ZNF287: variants seen among roughly 807,000 people sequenced by gnomAD.
ZNF287 encodes zinc finger protein 287, also known as zinc finger protein with KRAB and SCAN domains 13.
A neutral mutation model predicts 73.7 loss-of-function variants in ZNF287; 31 were observed. The ratio of observed to expected loss-of-function variants is 0.42; its 90% CI spans 0.32 to 0.57. The LOEUF (loss-of-function observed/expected upper bound fraction) is 0.57, where lower values mean the gene tolerates loss of function less well. ZNF287 is among the 20% of genes least tolerant of loss of function. ZNF287 has a pLI of 0.13. For synonymous variants in ZNF287, 301 were observed against 307.2 expected, an observed-to-expected ratio of 0.98 and a Z score of 0.21; for missense variants, 641 against 909.3, an observed-to-expected ratio of 0.70 and a Z score of 3.79.
Position 16,563,781 on chromosome 17 carries a change from C to T in ZNF287, c.546G>A (p.Glu182=). 6.2e-7 allele frequency: 1 copy of T among 1,613,840 alleles called. No individual in the cohort carries two copies. Among genetic ancestry groups the T allele is most frequent in the South Asian group, 1.1e-5 (1 of 91,040 alleles). Residue 182 remains glutamate, a synonymous_variant, in exon 4 of 6, where the codon GAG becomes GAA. Transcript: ENST00000395825. The part of the protein sequence containing the change: ...FKDVAVDITQ[E]DWELMRPVQK... ...GCACAGGACGCATTAACTCCCAGTC[C>T]TCCTGGGTGATGTCTACAGCCACAT...
At chr17:16,557,686 T>A (rs1430864034) in intron 5 of ZNF287, among the ~76,000 whole-genome samples, 2 of 152,150 alleles carry the variant, frequency 1.3e-5, no homozygotes, top group African/African-American at 4.8e-5. Context: ...TCAATCATGT[T>A]TGATGACCTT....
chr17:16,560,536 G>C (rs1907376337), intron 5 of ZNF287, among the ~76,000 whole-genome samples: 1 of 151,198 alleles, frequency 6.6e-6, no homozygotes, highest in Non-Finnish European at 1.5e-5. Flanking sequence ...TTTCAGTAGA[G>C]ACAGAGTTTC....
At chr17:16,564,906 A>G (rs891192531) in intron 3 of ZNF287, among the ~76,000 whole-genome samples, 2 of 151,848 alleles carry the variant, frequency 1.3e-5, no homozygotes, top group African/African-American at 4.8e-5. Context: ...TTTAGTAGAG[A>G]CAGGGTTTTG....
rs1031200971 is a variant in ZNF287, at chr17:16,549,003, G to C, written c.*2853C>G. ...TAAAAGACCATCCTTATTTTTGTAA[G>C]ATGCATGCTGAAGTATTTAGAGATG... On this transcript the variant is annotated 3_prime_UTR_variant, in exon 6 of 6. Coordinates refer to ENST00000395825, the MANE Select transcript of ZNF287 (RefSeq NM_020653.4). Among the ~76,000 whole-genome samples, 2 of 151,894 alleles carry C rather than the reference G, an allele frequency of 1.3e-5. No individual in the cohort carries two copies. Among genetic ancestry groups the C allele is most frequent in the African/African-American group, 4.8e-5 (2 of 41,344 alleles).
At chr17:16,562,482 T>C (rs749524535) in intron 5 of ZNF287, among the ~76,000 whole-genome samples, 5 of 152,232 alleles carry the variant, frequency 3.3e-5, no homozygotes, top group Non-Finnish European at 7.3e-5. Context: ...GTTCAAACTT[T>C]ATTACCTGAC....
chr17:16,551,879 T>C lies in ZNF287; in HGVS notation c.2263A>G (p.Thr755Ala), dbSNP rs1020342260. Residue 755 changes from threonine to alanine, a missense_variant, in exon 6 of 6, where the codon ACA becomes GCA. Physicochemically the swap from Thr to Ala is moderately conservative, Grantham distance 58 (BLOSUM62 0). Around this residue, in one of 2 missense-constraint regions of ZNF287, gnomAD observed 284 missense variants for 466.8 expected, o/e 0.61. Transcript: ENST00000395825. ...CATTAATTACGATGTTTGGCACCTG[T>C]ATGAACACGTTGATGCTGAATAAGG... ...TNLIQHQRVH[T>A]GAKHRN The C allele has an allele frequency of 2.5e-6, 4 of 1,599,184 alleles. No homozygotes were observed. The African/African-American group carries it at 5.4e-5, about 22-fold the overall frequency.
At chr17:16,557,514 G>T (rs1228054605) in intron 5 of ZNF287, among the ~76,000 whole-genome samples, 1 of 152,118 alleles carries the variant, frequency 6.6e-6, no homozygotes, top group Non-Finnish European at 1.5e-5. Context: ...ATTTCCTGAA[G>T]TGTGACTAAC....
At chr17:16,562,134 G>A (rs1038408617) in intron 5 of ZNF287, among the ~76,000 whole-genome samples, 5 of 152,046 alleles carry the variant, frequency 3.3e-5, no homozygotes, top group Non-Finnish European at 7.4e-5. Flanking sequence ...TGCCTGTGTA[G>A]GTTTAAAATC....
rs1220822909 is a variant in ZNF287, at chr17:16,567,341, G to T, written c.391C>A (p.Leu131Ile). Reference sequence around the variant, plus strand: ...CTATGATTCTCACCTTCCTCTTCTAGAATCTGAGTCAAATCCTCCACCAGA... The same window carrying T: ...CTATGATTCTCACCTTCCTCTTCTATAATCTGAGTCAAATCCTCCACCAGA... ...VTLVEDLTQILEEEAPQNSTL... is the reference protein window; with the variant it reads ...VTLVEDLTQIIEEEAPQNSTL... The change falls in exon 2 of 6, where the codon CTA (leucine) becomes ATA (isoleucine). Residue 131 changes from leucine to isoleucine, a missense_variant. Transcript: ENST00000395825. 1.9e-6 allele frequency: 3 copies of T among 1,612,510 alleles called. No individual in the cohort carries two copies. The African/African-American group carries it at 4.0e-5, about 22-fold the overall frequency.
rs1421452612 is a variant in ZNF287 at position 16,553,200 on chromosome 17, A to G, written c.942T>C (p.Tyr314=). The change falls in exon 6 of 6, where the codon TAT becomes TAC. Residue 314 remains tyrosine, a synonymous_variant. Transcript: ENST00000395825. The part of the protein sequence containing the change: ...YDPTEECLSK[Y]DIYRNNFEKH... ...TTTCAAAATTATTTCTATATATATC[A>G]TATTTACTAAGACATTCTTCTGTAG... The G allele has an allele frequency of 1.2e-6, 2 of 1,600,232 alleles. No individual in the cohort carries two copies. Among genetic ancestry groups the G allele is most frequent in the South Asian group, 1.1e-5 (1 of 90,670 alleles).
Position 16,548,352 on chromosome 17 carries a change from T to A in ZNF287, c.*3504A>T, listed in dbSNP as rs561876706. Among the ~76,000 whole-genome samples, 50 of 152,290 alleles carry A rather than the reference T, an allele frequency of 3.3e-4. No homozygotes were observed. Among genetic ancestry groups the A allele is most frequent in the South Asian group, 1.9e-3 (9 of 4,826 alleles). ...TATGAAATACATCTGTGAGGTGTTA[T>A]CATTAAAAATGTTTAAACAACCCAA... On this transcript the variant is annotated 3_prime_UTR_variant, in exon 6 of 6. Transcript: ENST00000395825.
chr17:16,563,393 TCAGAGACAGGATA>T, intron 4 of ZNF287, 161 bp from the exon 5 acceptor site: 1 of 607,424 alleles, frequency 1.6e-6, no homozygotes, highest in Non-Finnish European at 2.8e-6. Context: ...TGTTATCCTT[TCAGAGACAGGATA>T]ACAATTTCCT....
At chr17:16,555,601 A>AACACACAC (rs201011881) in intron 5 of ZNF287, among the ~76,000 whole-genome samples, 94 of 128,228 alleles carry the variant, frequency 7.3e-4, no homozygotes, top group Admixed American at 1.9e-3. Context: ...CACATAACCA[A>AACACACAC]ACACACACAC....
rs1463012625 is a variant in ZNF287, at chr17:16,549,902, C to T, written c.*1954G>A. ...TTGATATATGCACAAAAATATTTTT[C>T]GTTATACCAATTTTCACTCCATGCC... On this transcript the variant is annotated 3_prime_UTR_variant, in exon 6 of 6. Transcript: ENST00000395825. 2.6e-5 allele frequency among the ~76,000 whole-genome samples: 4 copies of T among 152,020 alleles called. No homozygotes were observed. The highest frequency in any genetic ancestry group is 6.5e-5 in the Admixed American group (1 of 15,270).
chr17:16,553,429 G>A lies in ZNF287; in HGVS notation c.716-3C>T. ...TGCTTGGGCTTTAGTTTCCCATTCT[G>A]AAATAAAAAATATATTAAAAAATCT... On this transcript the variant is annotated splice_polypyrimidine_tract_variant and splice_region_variant and intron_variant, in intron 5 of 5. Transcript: ENST00000395825. 6.8e-7 allele frequency: 1 copy of A among 1,466,268 alleles called. No individual in the cohort carries two copies. The highest frequency in any genetic ancestry group is 1.5e-5 in the South Asian group (1 of 64,974). The allele number at this position is 1,466,268 out of a possible 1,614,324, so 90.8% of individuals were successfully genotyped here.
intron 4 of ZNF287, among the ~76,000 whole-genome samples, 196 bp from the exon 5 acceptor site, chr17:16,563,428 G>A (rs1050921430): frequency 6.6e-6 from 1 of 152,192 alleles, no homozygotes; most frequent in African/African-American, 2.4e-5. Context: ...CCACTGAAGA[G>A]GATATGTGAA....
Position 16,552,510 on chromosome 17 carries a change from C to T in ZNF287, c.1632G>A (p.Val544=). The change falls in exon 6 of 6, where the codon GTG becomes GTA. Residue 544 remains valine (V), a synonymous_variant. Coordinates refer to ENST00000395825, the MANE Select transcript of ZNF287 (RefSeq NM_020653.4). This position sits in a 1 kb window ranked among gnomAD's most constrained non-coding sequence, Gnocchi z 6.5. ...GAATAAGGTAAGTACTCTGACTAAA[C>T]ACTTTCCAACATTCATTGCATTTAT... ...KPYKCNECWK[V]FSQSTYLIRH... is the part of the protein sequence containing the mutation. 1 of 1,614,112 alleles carries T rather than the reference C, an allele frequency of 6.2e-7. No individual in the cohort carries two copies. Among genetic ancestry groups the T allele is most frequent in the Non-Finnish European group, 8.5e-7 (1 of 1,180,002 alleles).
At chr17:16,562,442 T>G (rs907089047) in intron 5 of ZNF287, among the ~76,000 whole-genome samples, 1 of 152,206 alleles carries the variant, frequency 6.6e-6, no homozygotes, top group Non-Finnish European at 1.5e-5. Context: ...AACTGTTTAT[T>G]GCCACGCTTT....
Position 16,547,442 on chromosome 17 carries a change from G to C in ZNF287, c.*4414C>G, listed in dbSNP as rs1906333620. Among the ~76,000 whole-genome samples the C allele has an allele frequency of 6.6e-6, 1 of 152,144 alleles. No homozygotes were observed. The highest frequency in any genetic ancestry group is 6.5e-5 in the Admixed American group (1 of 15,272). On this transcript the variant is annotated 3_prime_UTR_variant, in exon 6 of 6. Transcript: ENST00000395825. Reference sequence around the variant, plus strand: ...TTTGCAGCTAATTTGCTGCTTTCTAGCATACATAACATGGAAGTGTTCTCT... The same window carrying C: ...TTTGCAGCTAATTTGCTGCTTTCTACCATACATAACATGGAAGTGTTCTCT...
Sources: allele counts gnomAD v4.1 joint callset (sites outside exome capture counted in the v4.1 genomes callset), GRCh38; gene constraint gnomAD v4.1.1; regional missense constraint gnomAD v4.1.1; non-coding constraint Gnocchi (gnomAD v3.1); transcripts MANE v1.5; gene names NCBI Gene and HGNC (gene_info 2026-07-23, HGNC 2026-07-21).